Variants in IPCEF1 observed in about 807,000 individuals in gnomAD.
IPCEF1 encodes interaction protein for cytohesin exchange factors 1, also known as interactor protein for cytohesin exchange factors 1.
Under a neutral mutation model 50.9 loss-of-function variants are expected in IPCEF1, and 31 were observed. That is an observed-to-expected ratio of 0.61 (90% CI 0.46 to 0.82). The LOEUF (loss-of-function observed/expected upper bound fraction) is 0.82, where lower values mean the gene tolerates loss of function less well. Among genes scored for constraint, IPCEF1 ranks in the 40% least tolerant of loss-of-function variants. The pLI is 0.00. For missense variants in IPCEF1, 458 were observed against 514.0 expected (o/e 0.89, Z 1.05); for synonymous variants, 181 against 192.0 (o/e 0.94, Z 0.47).
chr6:154,288,446 G>A (rs1236700792), intron 2 of IPCEF1, among the ~76,000 whole-genome samples: 5 of 150,788 alleles, frequency 3.3e-5, no homozygotes, highest in African/African-American at 9.8e-5. Context: ...GGCAGATCAC[G>A]AGGTCAGGAG....
At chr6:154,202,696 T>C (rs1368454168) in intron 9 of IPCEF1, among the ~76,000 whole-genome samples, 1 of 152,178 alleles carries the variant, frequency 6.6e-6, no homozygotes, top group Non-Finnish European at 1.5e-5. Context: ...AAACTCTGCT[T>C]AAAGTATCAA....
At chr6:154,183,578 T>A (rs1287163035) in intron 10 of IPCEF1, among the ~76,000 whole-genome samples, 1 of 152,184 alleles carries the variant, frequency 6.6e-6, no homozygotes, top group Non-Finnish European at 1.5e-5. Context: ...TAAAGGTATG[T>A]TCTAACTACC....
intron 1 of IPCEF1, among the ~76,000 whole-genome samples, chr6:154,346,717 A>G (rs2499643): frequency 0.34 from 51,807 of 152,050 alleles, 9,737 homozygotes; most frequent in Middle Eastern, 0.45. Flanking sequence ...AGAGCAAAGC[A>G]AGGTAAAGCC....
At chr6:154,187,493 C>T (rs983913586) in intron 10 of IPCEF1, among the ~76,000 whole-genome samples, 1 of 152,232 alleles carries the variant, frequency 6.6e-6, no homozygotes, top group Admixed American at 6.5e-5. Context: ...GGAGTTCCCA[C>T]ACCCAGAGAT....
chr6:154,315,102 C>T (rs1031493182), intron 1 of IPCEF1, among the ~76,000 whole-genome samples: 6 of 152,246 alleles, frequency 3.9e-5, no homozygotes, highest in Non-Finnish European at 7.4e-5. Context: ...AGGCTAATCT[C>T]GAACTCCTGA....
chr6:154,352,625 C>A (rs1361069550), intron 1 of IPCEF1, among the ~76,000 whole-genome samples: 2 of 152,206 alleles, frequency 1.3e-5, no homozygotes, highest in Non-Finnish European at 2.9e-5. Context: ...CTTTCTAAGA[C>A]AAAGATTGAT....
chr6:154,276,182 T>C (rs1316046149), intron 2 of IPCEF1, among the ~76,000 whole-genome samples: 1 of 138,238 alleles, frequency 7.2e-6, no homozygotes, highest in African/African-American at 2.7e-5. Flanking sequence ...AGATTCCATC[T>C]CAGAAGAAAA....
rs921380255 is a variant in IPCEF1, at chr6:154,158,831, A to G, written c.*997T>C. The G allele has an allele frequency of 5.9e-5, 9 of 152,256 alleles. No homozygotes were observed. Among genetic ancestry groups the G allele is most frequent in the African/African-American group, 2.2e-4 (9 of 41,474 alleles). The allele number at this position is 152,256 out of a possible 1,614,324, so 9.4% of individuals were successfully genotyped here. On this transcript the variant is annotated 3_prime_UTR_variant, in exon 12 of 12. Coordinates refer to ENST00000367220, the MANE Select transcript of IPCEF1 (RefSeq NM_001130700.2). ...TTAAATAACAAACATAGCTATTCACATAGCACACAAGTGACATATAAACAT... is the reference window on the plus strand; with the variant it reads ...TTAAATAACAAACATAGCTATTCACGTAGCACACAAGTGACATATAAACAT...
chr6:154,281,185 A>C (rs1410465072), intron 2 of IPCEF1, among the ~76,000 whole-genome samples: 2 of 63,620 alleles, frequency 3.1e-5, no homozygotes, highest in Admixed American at 1.3e-4. Flanking sequence ...ACTAAAATAC[A>C]AAAAAAAAAA....
chr6:154,296,958 C>T (rs571216721), intron 1 of IPCEF1, among the ~76,000 whole-genome samples: 2 of 152,284 alleles, frequency 1.3e-5, no homozygotes, highest in African/African-American at 4.8e-5. Context: ...GGATTGGATG[C>T]AGATCCTAAA....
chr6:154,290,653 G>A (rs1396457295), intron 1 of IPCEF1, among the ~76,000 whole-genome samples: 1 of 151,946 alleles, frequency 6.6e-6, no homozygotes, highest in African/African-American at 2.4e-5. Context: ...CTCAAAATAT[G>A]AAAACAAAAG....
At chr6:154,250,666 T>C (rs953182086) in intron 3 of IPCEF1, among the ~76,000 whole-genome samples, 8 of 152,242 alleles carry the variant, frequency 5.3e-5, no homozygotes, top group African/African-American at 1.9e-4. Context: ...CGGGTAACTG[T>C]TATATTGACT....
intron 3 of IPCEF1, among the ~76,000 whole-genome samples, chr6:154,251,689 G>A (rs1781339568): frequency 6.6e-6 from 1 of 152,188 alleles, no homozygotes; most frequent in Non-Finnish European, 1.5e-5. Flanking sequence ...TTGCTGTTTT[G>A]TTAAGAAGTA....
In IPCEF1 at chr6:154,203,033, C is replaced by A. The variant is rs116013261; in HGVS notation, c.538-2993G>T. Among the ~76,000 whole-genome samples the A allele has an allele frequency of 5.1e-3, 770 of 152,234 alleles. 4 individuals carry two copies. The highest frequency in any genetic ancestry group is 0.018 in the African/African-American group (729 of 41,536). On this transcript the variant is annotated intron_variant, in intron 9 of 11. Coordinates refer to ENST00000367220, the MANE Select transcript of IPCEF1 (RefSeq NM_001130700.2). ...TTTCCAAGGATTCAGTATGAAAACA[C>A]GCTTTATAGACCGTGTAGTGCTAAG...
chr6:154,264,680 T>A (rs951380626), intron 3 of IPCEF1, among the ~76,000 whole-genome samples: 2 of 135,746 alleles, frequency 1.5e-5, no homozygotes, highest in African/African-American at 5.1e-5. Context: ...AGCCAATACA[T>A]AACTTCTTAA....
chr6:154,260,282 C>T (rs533903735), intron 3 of IPCEF1, among the ~76,000 whole-genome samples: 1 of 151,974 alleles, frequency 6.6e-6, no homozygotes, highest in Admixed American at 6.5e-5. Context: ...GAAAACTGAG[C>T]GAAATATCCA....
chr6:154,331,370 G>GGAAGGAAA (rs1783657653), intron 1 of IPCEF1, among the ~76,000 whole-genome samples: 1 of 111,958 alleles, frequency 8.9e-6, no homozygotes, highest in Admixed American at 1.0e-4. Context: ...AAGAAAGAAA[G>GGAAGGAAA]GAAAGAAAGA....
chr6:154,347,696 A>G (rs764467810), intron 1 of IPCEF1, among the ~76,000 whole-genome samples: 9 of 152,186 alleles, frequency 5.9e-5, no homozygotes, highest in Non-Finnish European at 1.2e-4. Flanking sequence ...GCCTTGCTCT[A>G]AGGCTCACCT....
At chr6:154,294,831 A>G (rs1782599366) in intron 1 of IPCEF1, among the ~76,000 whole-genome samples, 1 of 152,200 alleles carries the variant, frequency 6.6e-6, no homozygotes, top group Non-Finnish European at 1.5e-5. Context: ...CACCACCAGG[A>G]GTTCAAGATC....
Sources: allele counts gnomAD v4.1 joint callset (sites outside exome capture counted in the v4.1 genomes callset), GRCh38; gene constraint gnomAD v4.1.1; transcripts MANE v1.5; gene names NCBI Gene and HGNC (gene_info 2026-07-23, HGNC 2026-07-21).